Variants in CAMTA1 observed in about 807,000 individuals in gnomAD.
CAMTA1 encodes calmodulin binding transcription activator 1.
Under a neutral mutation model 170.9 loss-of-function variants are expected in CAMTA1, and 27 were observed. The ratio of observed to expected loss-of-function variants is 0.16; its 90% CI spans 0.12 to 0.22. The LOEUF is 0.22. CAMTA1 is among the 10% of genes least tolerant of loss of function. The probability of loss-of-function intolerance (pLI) is 1.00; values close to 1 mark genes in which losing one functional copy is unlikely to be tolerated. For synonymous variants in CAMTA1, 833 were observed against 891.5 expected (o/e 0.93, Z 1.17); for missense variants, 1,619 against 2,217.2 (o/e 0.73, Z 5.42).
intron 1 of CAMTA1, among the ~76,000 whole-genome samples, chr1:6,812,768 T>C (rs1322060316): frequency 1.3e-5 from 2 of 152,256 alleles, no homozygotes; most frequent in South Asian, 2.1e-4. Flanking sequence ...TCTCTGGTAA[T>C]AGAGAATCAA....
intron 5 of CAMTA1, among the ~76,000 whole-genome samples, chr1:7,309,577 G>A (rs1156506403): frequency 6.6e-6 from 1 of 152,012 alleles, no homozygotes; most frequent in East Asian, 1.9e-4. Context: ...GGGATTACAG[G>A]CGTGAGCCGC....
intron 3 of CAMTA1, among the ~76,000 whole-genome samples, chr1:6,957,672 T>G (rs1211685476): frequency 6.6e-6 from 1 of 152,260 alleles, no homozygotes; most frequent in East Asian, 1.9e-4. Flanking sequence ...ATTGGGTACA[T>G]GAGTACACTA....
In CAMTA1 at chr1:7,554,089, T is replaced by C. The variant is rs115193901; in HGVS notation, c.510+86188T>C. The stretch of plus-strand genomic sequence containing the variant: ...AAGCATGAGAGAAGAGGGAAATAAA[T>C]GTAGAAGATGGCCTGGGTGGTGGTA... On this transcript the variant is annotated intron_variant, in intron 6 of 22. Coordinates refer to ENST00000303635, the MANE Select transcript of CAMTA1 (RefSeq NM_015215.4). Among the ~76,000 whole-genome samples, 858 of 149,550 alleles carry C rather than the reference T, an allele frequency of 5.7e-3. 7 individuals carry two copies. Among genetic ancestry groups the C allele is most frequent in the African/African-American group, 0.02 (815 of 41,162 alleles).
intron 16 of CAMTA1, among the ~76,000 whole-genome samples, chr1:7,740,609 G>A (rs764812386): frequency 1.2e-4 from 19 of 152,220 alleles, no homozygotes; most frequent in Admixed American, 8.5e-4. Context: ...ACCACGCACC[G>A]TGGGAGACAC....
rs1032878198 is a variant in CAMTA1 at position 7,738,959 on chromosome 1, C to T, written c.4182+477C>T. On this transcript the variant is annotated intron_variant, in intron 16 of 22. Coordinates refer to ENST00000303635, the MANE Select transcript of CAMTA1 (RefSeq NM_015215.4). The surrounding 1 kb of genome is among the most constrained non-coding windows in gnomAD (Gnocchi z 4.9). Reference sequence around the variant, plus strand: ...GGGCATATATGGCGTGAGGCTCTCACGAGGGCAGCGAAATATTCCTGAAGC... The same window carrying T: ...GGGCATATATGGCGTGAGGCTCTCATGAGGGCAGCGAAATATTCCTGAAGC... 1.2e-4 allele frequency among the ~76,000 whole-genome samples: 18 copies of T among 152,140 alleles called. No individual in the cohort carries two copies. The highest frequency in any genetic ancestry group is 1.3e-4 in the Admixed American group (2 of 15,264).
intron 1 of CAMTA1, among the ~76,000 whole-genome samples, chr1:6,798,429 A>T (rs941611977): frequency 6.6e-6 from 1 of 151,974 alleles, no homozygotes; most frequent in African/African-American, 2.4e-5. Flanking sequence ...GTAGCATCAG[A>T]ATTATTTATT....
At chr1:7,411,834 G>T (rs7411107) in intron 5 of CAMTA1, among the ~76,000 whole-genome samples, 137,572 of 150,326 alleles carry the variant, frequency 0.92, 63,030 homozygotes, top group East Asian at 0.99. Flanking sequence ...TGTATACATG[G>T]GCCATGTTGG....
chr1:6,901,874 C>T (rs994575834), intron 3 of CAMTA1, among the ~76,000 whole-genome samples: 2 of 151,906 alleles, frequency 1.3e-5, no homozygotes, highest in African/African-American at 2.4e-5. Flanking sequence ...GGTGAAACCC[C>T]GTCTCTACTA....
chr1:7,428,150 G>A (rs1038312476), intron 5 of CAMTA1, among the ~76,000 whole-genome samples: 6 of 152,102 alleles, frequency 3.9e-5, no homozygotes, highest in South Asian at 4.1e-4. Context: ...GGAAGTCCAC[G>A]GGCAACCATC....
In CAMTA1 at chr1:7,446,681, G is replaced by A. The variant is rs532955489; in HGVS notation, c.439-21149G>A. On this transcript the variant is annotated intron_variant, in intron 5 of 22. Transcript: ENST00000303635. The stretch of plus-strand genomic sequence containing the variant: ...GGGCGATGAAGAAGGCTCTCCCACA[G>A]TAGGGGCTGCCCGCTGGCTTAGGCC... 1.4e-4 allele frequency among the ~76,000 whole-genome samples: 22 copies of A among 152,356 alleles called. No individual in the cohort carries two copies. In the South Asian group the frequency reaches 4.6e-3, roughly 32 times the overall value.
chr1:6,912,030 G>A (rs1339795910), intron 3 of CAMTA1, among the ~76,000 whole-genome samples: 1 of 152,130 alleles, frequency 6.6e-6, no homozygotes, highest in Non-Finnish European at 1.5e-5. Flanking sequence ...CTTCTTTTCA[G>A]GCTATAGCTG....
chr1:6,796,650 A>G (rs1338534200), intron 1 of CAMTA1, among the ~76,000 whole-genome samples: 1 of 152,166 alleles, frequency 6.6e-6, no homozygotes, highest in Non-Finnish European at 1.5e-5. Flanking sequence ...TTGTGGTGGA[A>G]CTAGCCTAGT....
Position 7,314,011 on chromosome 1 carries a change from G to A in CAMTA1, c.438+64385G>A, listed in dbSNP as rs950754412. Among the ~76,000 whole-genome samples the A allele has an allele frequency of 3.3e-5, 5 of 152,294 alleles. No homozygotes were observed. The East Asian group carries it at 5.8e-4, about 18-fold the overall frequency. ...GAATCTAGATTCCCACCCACAGCAG[G>A]CCAGGCAACCAACCCTAAAATTCTT... On this transcript the variant is annotated intron_variant, in intron 5 of 22. Coordinates refer to ENST00000303635, the MANE Select transcript of CAMTA1 (RefSeq NM_015215.4).
intron 5 of CAMTA1, among the ~76,000 whole-genome samples, chr1:7,392,507 G>C (rs1363833869): frequency 5.3e-5 from 8 of 150,226 alleles, no homozygotes; most frequent in Non-Finnish European, 1.2e-4. Context: ...CACCTGCCTT[G>C]GCCTCCCAAA....
chr1:6,811,745 T>C (rs942892063), intron 1 of CAMTA1, among the ~76,000 whole-genome samples: 1 of 152,170 alleles, frequency 6.6e-6, no homozygotes, highest in African/African-American at 2.4e-5. Context: ...GCCTTCAGAG[T>C]GTTCTTGGCT....
At chr1:7,278,725 G>A (rs528871987) in intron 5 of CAMTA1, among the ~76,000 whole-genome samples, 3 of 152,076 alleles carry the variant, frequency 2.0e-5, no homozygotes, top group Admixed American at 2.0e-4. Context: ...AATATTTATT[G>A]AGCACCTTCC....
intron 5 of CAMTA1, among the ~76,000 whole-genome samples, chr1:7,402,858 C>A (rs2090007029): frequency 6.6e-6 from 1 of 152,170 alleles, no homozygotes. Flanking sequence ...CAGACAGTGT[C>A]CCTGCTGAGA....
chr1:7,339,074 C>T (rs1396028343), intron 5 of CAMTA1, among the ~76,000 whole-genome samples: 1 of 152,162 alleles, frequency 6.6e-6, no homozygotes, highest in Non-Finnish European at 1.5e-5. Flanking sequence ...AGGGGGAACT[C>T]CGCCCCCTCC....
intron 3 of CAMTA1, among the ~76,000 whole-genome samples, chr1:6,866,168 A>G (rs554237310): frequency 1.3e-5 from 2 of 152,310 alleles, no homozygotes; most frequent in East Asian, 3.9e-4. Flanking sequence ...AGAATTGTGA[A>G]CTTGTAATCA....
Sources: gnomAD v4.1 joint callset for allele counts (sites outside exome capture counted in the v4.1 genomes callset) on GRCh38, gnomAD v4.1.1 for gene constraint, Gnocchi (gnomAD v3.1) non-coding constraint, MANE v1.5 for transcripts, NCBI Gene and HGNC (gene_info 2026-07-23, HGNC 2026-07-21) for gene names.